RSPH14: variants seen among roughly 807,000 people sequenced by gnomAD.
RSPH14 encodes the protein rhabdoid tumor deletion region gene 1.
In RSPH14, 20 loss-of-function variants were observed where a neutral mutation model predicts 26.7. The observed-to-expected ratio is 0.75, with a 90% confidence interval of 0.53 to 1.09. The LOEUF is 1.09. Among genes scored for constraint, RSPH14 ranks in the 50% least tolerant of loss-of-function variants. The pLI is 0.00. For synonymous variants in RSPH14, 177 were observed against 189.3 expected, an observed-to-expected ratio of 0.93 and a Z score of 0.53; for missense variants, 449 against 457.2, an observed-to-expected ratio of 0.98 and a Z score of 0.16.
chr22:23,151,189 C>G, the RSPH14 span, among the ~76,000 whole-genome samples: 4 of 152,140 alleles, frequency 2.6e-5, no homozygotes, highest in African/African-American at 9.7e-5. Context: ...TCAGAATAGC[C>G]GAAGTGGCCA....
intron 4 of RSPH14, chr22:23,122,285 T>A (rs905628513): frequency 5.3e-5 from 8 of 152,364 alleles, no homozygotes; most frequent in African/African-American, 1.9e-4. Flanking sequence ...CAGAAGAGAA[T>A]TGAGGAGCGG....
At chr22:23,155,630 C>T in the RSPH14 span, among the ~76,000 whole-genome samples, 3 of 152,230 alleles carry the variant, frequency 2.0e-5, no homozygotes, top group Non-Finnish European at 4.4e-5. Flanking sequence ...TGGACTGCTA[C>T]ATCTTCAGAG....
chr22:23,158,834 C>A, the RSPH14 span: 1 of 1,467,578 alleles, frequency 6.8e-7, no homozygotes, highest in South Asian at 1.2e-5. Flanking sequence ...CCAAGTGTGC[C>A]CTCTGCCCCC....
rs546297977 is a variant in RSPH14 at position 23,098,625 on chromosome 22, G to A, written c.422-34492C>T. Among the ~76,000 whole-genome samples, 4 of 152,378 alleles carry A rather than the reference G, an allele frequency of 2.6e-5. No individual in the cohort carries two copies. The South Asian group carries it at 8.3e-4, about 32-fold the overall frequency. On this transcript the variant is annotated intron_variant, in intron 4 of 6. Transcript: ENST00000216036. ...TGGTTTCTGCAGGCCTGGGGAAGTG[G>A]TTGTTCACCAGAAAAGGAAATTCTT...
intron 4 of RSPH14, 130 bp downstream of exon 4, chr22:23,133,896 C>T (rs750791678): frequency 1.3e-5 from 9 of 673,232 alleles, no homozygotes; most frequent in Non-Finnish European, 1.6e-5. Context: ...CGGATATGTG[C>T]TTTTCTAATA....
Position 23,136,465 on chromosome 22 carries a change from G to A in RSPH14, c.303-2321C>T. On this transcript the variant is annotated intron_variant, in intron 3 of 6. Transcript: ENST00000216036. ...AAATTTAGAAGTTGGCCACATTTCT[G>A]AGAACGCTGAAGGAGTGCACGGGCC... 5.9e-6 allele frequency: 3 copies of A among 509,346 alleles called. 1 individual carries two copies. In the East Asian group the frequency reaches 1.2e-4, roughly 21 times the overall value. The allele number at this position is 509,346 out of a possible 1,614,324, so 31.6% of individuals were successfully genotyped here. A position where few individuals can be genotyped will look rare whatever the true frequency, so the allele number is the denominator to read the frequency against.
At chr22:23,082,690 C>T (rs1361101783) in intron 4 of RSPH14, among the ~76,000 whole-genome samples, 1 of 152,038 alleles carries the variant, frequency 6.6e-6, no homozygotes, top group Non-Finnish European at 1.5e-5. Flanking sequence ...GCCTGGAAGC[C>T]CCTCTTTCCC....
Position 23,063,916 on chromosome 22 carries a change from C to A in RSPH14, c.639G>T (p.Ala213=). ...NQNIRSKAAR[A]LLNVSISREG... Reference sequence around the variant, plus strand: ...CCAGGCCTCACCTGACATTAAGGAGCGCACGGGCGGCCTTGCTGCGGATGT... The same window carrying A: ...CCAGGCCTCACCTGACATTAAGGAGAGCACGGGCGGCCTTGCTGCGGATGT... The change falls in exon 5 of 7, where the codon GCG becomes GCT. Residue 213 remains alanine, a synonymous_variant. Coordinates refer to ENST00000216036, the MANE Select transcript of RSPH14 (RefSeq NM_014433.3). 6.2e-7 allele frequency: 1 copy of A among 1,614,098 alleles called. No individual in the cohort carries two copies. The highest frequency in any genetic ancestry group is 2.2e-5 in the East Asian group (1 of 44,880).
At chr22:23,068,702 T>C (rs1319579121) in intron 4 of RSPH14, among the ~76,000 whole-genome samples, 1 of 152,260 alleles carries the variant, frequency 6.6e-6, no homozygotes, top group African/African-American at 2.4e-5. Context: ...AAACAGCCTC[T>C]GGCTATCCCA....
In RSPH14 at chr22:23,106,649, G is replaced by C. The variant is rs1187955945; in HGVS notation, c.421+27377C>G. Among the ~76,000 whole-genome samples, 6 of 152,246 alleles carry C rather than the reference G, an allele frequency of 3.9e-5. No homozygotes were observed. The East Asian group carries it at 9.6e-4, about 24-fold the overall frequency. On this transcript the variant is annotated intron_variant, in intron 4 of 6. Coordinates refer to ENST00000216036, the MANE Select transcript of RSPH14 (RefSeq NM_014433.3). ...TCAGGCTGTAGGATAACATGTGTGTGCTGGCTGACAACAGAATAGTGGAAA... is the reference window on the plus strand; with the variant it reads ...TCAGGCTGTAGGATAACATGTGTGTCCTGGCTGACAACAGAATAGTGGAAA...
intron 3 of RSPH14, among the ~76,000 whole-genome samples, chr22:23,138,123 T>C (rs1362374422): frequency 6.6e-6 from 1 of 152,196 alleles, no homozygotes; most frequent in Non-Finnish European, 1.5e-5. Flanking sequence ...ACTTTGAGGA[T>C]GTTATTTTAA....
intron 4 of RSPH14, among the ~76,000 whole-genome samples, chr22:23,118,740 G>A (rs2069925249): frequency 6.6e-6 from 1 of 152,214 alleles, no homozygotes; most frequent in South Asian, 2.1e-4. Context: ...AGGGGGTGAT[G>A]CACTACCATG....
intron 4 of RSPH14, among the ~76,000 whole-genome samples, chr22:23,072,460 A>T (rs998963723): frequency 6.6e-6 from 1 of 152,228 alleles, no homozygotes; most frequent in Non-Finnish European, 1.5e-5. Context: ...TGAATAAGAC[A>T]TAATTTCTCC....
At chr22:23,128,158 G>C (rs1022863896) in intron 4 of RSPH14, among the ~76,000 whole-genome samples, 1 of 152,222 alleles carries the variant, frequency 6.6e-6, no homozygotes, top group Admixed American at 6.5e-5. Flanking sequence ...GGGGGACCCT[G>C]AGCTGTTCAA....
the RSPH14 span, among the ~76,000 whole-genome samples, chr22:23,171,401 C>G: frequency 6.6e-6 from 1 of 152,128 alleles, no homozygotes; most frequent in Non-Finnish European, 1.5e-5. Flanking sequence ...AAGCCCAGAA[C>G]TCCTAGATTC....
At chr22:23,100,769 G>A (rs1432968887) in intron 4 of RSPH14, among the ~76,000 whole-genome samples, 2 of 152,198 alleles carry the variant, frequency 1.3e-5, no homozygotes, top group Non-Finnish European at 2.9e-5. Context: ...GAGCTCCAGA[G>A]CCCTGGCTTC....
At chr22:23,086,415 G>C (rs1265069303) in intron 4 of RSPH14, among the ~76,000 whole-genome samples, 1 of 152,236 alleles carries the variant, frequency 6.6e-6, no homozygotes, top group African/African-American at 2.4e-5. Context: ...CCCAGCAGTG[G>C]CAGCAGACGG....
chr22:23,095,151 T>G (rs2069088976), intron 4 of RSPH14: 1 of 159,532 alleles, frequency 6.3e-6, no homozygotes, highest in Non-Finnish European at 1.4e-5. Flanking sequence ...CCAAGGCCAG[T>G]CTCTGCTGCT....
At chr22:23,077,865 C>G (rs1242864646) in intron 4 of RSPH14, among the ~76,000 whole-genome samples, 1 of 152,206 alleles carries the variant, frequency 6.6e-6, no homozygotes, top group Non-Finnish European at 1.5e-5. Context: ...CTGGTGGTAC[C>G]TCACCCCTAC....
Sources: allele counts gnomAD v4.1 joint callset (sites outside exome capture counted in the v4.1 genomes callset), GRCh38; gene constraint gnomAD v4.1.1; transcripts MANE v1.5; gene names NCBI Gene and HGNC (gene_info 2026-07-23, HGNC 2026-07-21).